DSP: variants seen among roughly 807,000 people sequenced by gnomAD.
The protein encoded by DSP is 250/210 kDa paraneoplastic pemphigus antigen.
Under a neutral mutation model 290.6 loss-of-function variants are expected in DSP, and 114 were observed. The ratio of observed to expected loss-of-function variants is 0.39; its 90% CI spans 0.34 to 0.46. The LOEUF (loss-of-function observed/expected upper bound fraction) is 0.46. Ranked by LOEUF, DSP falls within the 20% of genes least tolerant of loss-of-function variation. The pLI, the probability that DSP is intolerant of heterozygous loss-of-function variation, is 0.99. For missense variants in DSP, 3,230 were observed against 3,495.8 expected, an observed-to-expected ratio of 0.92 and a Z score of 1.92; for synonymous variants, 1,311 against 1,316.4, an observed-to-expected ratio of 1.00 and a Z score of 0.09.
At chr6:7,559,144 A>T (rs1454342474) in intron 3 of DSP, 82 bp from the exon 4 acceptor site, 1 of 1,495,274 alleles carries the variant, frequency 6.7e-7, no homozygotes, top group East Asian at 2.3e-5. Context: ...GACACAAAAG[A>T]CTCAGAAAAG....
At position 7,563,581 on chromosome 6, in the gene DSP, C is replaced by T. The variant is rs556498416; in HGVS notation, c.727-155C>T. Among the ~76,000 whole-genome samples the T allele has an allele frequency of 1.2e-4, 19 of 152,272 alleles. No homozygotes were observed. The South Asian group carries it at 3.9e-3, about 32-fold the overall frequency. ...GCTTTCCAACCGCCTAGGAAAAAGT[C>T]CCCATGGGTGAAATATCTCATAGAG... On this transcript the variant is annotated intron_variant, in intron 5 of 23. Coordinates refer to ENST00000379802, the MANE Select transcript of DSP (RefSeq NM_004415.4).
intron 17 of DSP, 54 bp downstream of exon 17, chr6:7,574,849 G>A: frequency 6.2e-7 from 1 of 1,613,124 alleles, no homozygotes. Flanking sequence ...ATTCAGATCT[G>A]AGCTCCCAAT....
chr6:7,576,900 C>T (rs1381356320), intron 19 of DSP, 59 bp from the exon 20 acceptor site: 7 of 1,406,850 alleles, frequency 5.0e-6, no homozygotes, highest in Non-Finnish European at 7.0e-6. Flanking sequence ...AGTGAAATCA[C>T]ATTTATTTAA....
intron 6 of DSP, among the ~76,000 whole-genome samples, chr6:7,564,762 A>C (rs889346854): frequency 6.6e-6 from 1 of 152,156 alleles, no homozygotes. Flanking sequence ...TATACATTGT[A>C]TACATGTGTC....
intron 1 of DSP, 120 bp downstream of exon 1, chr6:7,542,205 C>G: frequency 7.3e-7 from 1 of 1,367,420 alleles, no homozygotes; most frequent in Middle Eastern, 2.2e-4. Context: ...GCCCCAGGTC[C>G]CGAAAGAACT....
At chr6:7,566,852 T>A (rs1349744149) in intron 8 of DSP, among the ~76,000 whole-genome samples, 1 of 152,214 alleles carries the variant, frequency 6.6e-6, no homozygotes, top group Non-Finnish European at 1.5e-5. Context: ...TAGACTGCCA[T>A]CTTTGGGCCA....
chr6:7,567,054 C>G (rs975578646), intron 8 of DSP, among the ~76,000 whole-genome samples: 8 of 152,188 alleles, frequency 5.3e-5, no homozygotes, highest in African/African-American at 1.7e-4. Context: ...GGATGCCACT[C>G]CAGTGCTAGC....
intron 16 of DSP, 80 bp downstream of exon 16, chr6:7,574,332 G>A (rs946858397): frequency 7.1e-7 from 1 of 1,412,946 alleles, no homozygotes; most frequent in Non-Finnish European, 9.9e-7. Context: ...TTAGATGCTT[G>A]CCTTACAGTT....
At chr6:7,568,649 C>T in intron 11 of DSP, 60 bp downstream of exon 11, 2 of 1,588,812 alleles carry the variant, frequency 1.3e-6, no homozygotes, top group African/African-American at 1.3e-5. Context: ...AAATTTTTGT[C>T]CATCAAGAAA....
Position 7,579,138 on chromosome 6 carries a change from A to G in DSP, c.3085-137A>G. ...ATCCAGATTTCTTGAATATTTGCCT[A>G]GTCACTCTTTGCATGTATGTCCATG... On this transcript the variant is annotated intron_variant, in intron 22 of 23. Transcript: ENST00000379802. This position sits in a 1 kb window ranked among gnomAD's most constrained non-coding sequence, Gnocchi z 4.1. 1 of 1,199,322 alleles carries G rather than the reference A, an allele frequency of 8.3e-7. No homozygotes were observed. Among genetic ancestry groups the G allele is most frequent in the Non-Finnish European group, 1.2e-6 (1 of 855,718 alleles). 74.3% of individuals were successfully genotyped at this position (1,199,322 alleles called of 1,614,324 possible). A position where few individuals can be genotyped will look rare whatever the true frequency, so the allele number is the denominator to read the frequency against.
chr6:7,580,582 A>T lies in DSP; in HGVS notation c.4392A>T (p.Arg1464Ser). Reference sequence around the variant, plus strand: ...AGATGCGAACAGAGGAGAGCGTAAGATATAAGCAATCTCTTGATGATGCTG... The same window carrying T: ...AGATGCGAACAGAGGAGAGCGTAAGTTATAAGCAATCTCTTGATGATGCTG... Reference protein sequence around the residue: ...VTQMRTEESVRYKQSLDDAAK... With the variant: ...VTQMRTEESVSYKQSLDDAAK... Residue 1464 changes from arginine (R) to serine (S), a missense_variant, in exon 23 of 24, where the codon AGA (arginine) becomes AGT (serine). Coordinates refer to ENST00000379802, the MANE Select transcript of DSP (RefSeq NM_004415.4). This position sits in a 1 kb window ranked among gnomAD's most constrained non-coding sequence, Gnocchi z 4.2. 3.7e-6 allele frequency: 6 copies of T among 1,614,162 alleles called. No homozygotes were observed. Among genetic ancestry groups the T allele is most frequent in the Non-Finnish European group, 5.1e-6 (6 of 1,180,040 alleles).
At chr6:7,553,864 C>T (rs1158246354) in intron 1 of DSP, among the ~76,000 whole-genome samples, 1 of 152,080 alleles carries the variant, frequency 6.6e-6, no homozygotes, top group Non-Finnish European at 1.5e-5. Context: ...GTCTGGGCTC[C>T]TCACCCACAT....
At position 7,555,193 on chromosome 6, in the gene DSP, AT is replaced by A. The variant is rs201253729; in HGVS notation, c.171-523del. 9.1e-3 allele frequency among the ~76,000 whole-genome samples: 1,389 copies of A among 152,280 alleles called. 6 individuals are homozygous for A. The highest frequency in any genetic ancestry group is 0.016 in the Non-Finnish European group (1,107 of 68,026). The stretch of plus-strand genomic sequence containing the variant: ...ATAACTCAGAGAGATATATTTCTGG[AT>A]TGGATCCTGGACCTGGGAGGGGAAA... On this transcript the variant is annotated intron_variant, in intron 1 of 23. Transcript: ENST00000379802.
At chr6:7,550,381 T>A (rs1758303856) in intron 1 of DSP, among the ~76,000 whole-genome samples, 1 of 152,188 alleles carries the variant, frequency 6.6e-6, no homozygotes, top group Non-Finnish European at 1.5e-5. Flanking sequence ...AAAATAATAT[T>A]TTTGGCAACA....
chr6:7,550,001 T>G (rs916077454), intron 1 of DSP, among the ~76,000 whole-genome samples: 3 of 152,188 alleles, frequency 2.0e-5, no homozygotes, highest in Non-Finnish European at 4.4e-5. Context: ...TTTCTTTATC[T>G]TTTTGAAAGT....
At chr6:7,559,107 C>T in intron 3 of DSP, 119 bp from the exon 4 acceptor site, 4 of 1,156,476 alleles carry the variant, frequency 3.5e-6, no homozygotes, top group Non-Finnish European at 5.0e-6. Context: ...TCTTCAAATA[C>T]CATAAAACAT....
intron 5 of DSP, 105 bp downstream of exon 5, chr6:7,562,885 TC>T: frequency 6.5e-7 from 1 of 1,528,404 alleles, no homozygotes; most frequent in Non-Finnish European, 9.0e-7. Flanking sequence ...ATTATTTCTT[TC>T]CCAGAAGACT....
At chr6:7,548,762 A>C (rs1394416462) in intron 1 of DSP, among the ~76,000 whole-genome samples, 1 of 152,104 alleles carries the variant, frequency 6.6e-6, no homozygotes, top group Non-Finnish European at 1.5e-5. Flanking sequence ...TGGAGTGGGA[A>C]TGGGGAGGGG....
intron 13 of DSP, among the ~76,000 whole-genome samples, chr6:7,571,176 CAAAAA>C (rs200091877): frequency 1.3e-5 from 1 of 74,552 alleles, no homozygotes; most frequent in African/African-American, 5.0e-5. Flanking sequence ...ATTCTGTAGG[CAAAAA>C]AAAAAAAAAA....
Sources: allele counts gnomAD v4.1 joint callset (sites outside exome capture counted in the v4.1 genomes callset), GRCh38; gene constraint gnomAD v4.1.1; non-coding constraint Gnocchi (gnomAD v3.1); transcripts MANE v1.5; gene names NCBI Gene and HGNC (gene_info 2026-07-23, HGNC 2026-07-21).